The following DACH2 variants were observed in gnomAD, a reference collection of about 807,000 sequenced individuals.
DACH2 encodes the protein dachshund family transcription factor 2, also known as dachshund homolog 2.
DACH2 carries 17 observed loss-of-function variants against 35.8 expected under a neutral mutation model. The observed-to-expected ratio is 0.48, with a 90% CI of 0.33 to 0.71. The LOEUF (loss-of-function observed/expected upper bound fraction) is 0.71. Ranked by LOEUF, DACH2 falls within the 30% of genes least tolerant of loss-of-function variation. DACH2 has a pLI of 0.02. For missense variants in DACH2, 469 were observed against 472.7 expected (o/e 0.99, Z 0.07); for synonymous variants, 195 against 177.3 (o/e 1.10, Z -0.79).
At chrX:86,305,983 T>C (rs2034679044) in intron 1 of DACH2, among the ~76,000 whole-genome samples, 1 of 112,157 alleles carries the variant, frequency 8.9e-6, no homozygotes, top group South Asian at 3.7e-4. Flanking sequence ...AGAGAACTTT[T>C]ATACACTGTT....
At chrX:86,486,138 C>T (rs1308626177) in intron 2 of DACH2, among the ~76,000 whole-genome samples, 4 of 110,938 alleles carry the variant, frequency 3.6e-5, no homozygotes, top group African/African-American at 9.8e-5. Context: ...GGACTGTTTC[C>T]CTGCTGACTG....
At chrX:86,176,298 A>T (rs1485279592) in intron 1 of DACH2, among the ~76,000 whole-genome samples, 1 of 111,381 alleles carries the variant, frequency 9.0e-6, no homozygotes, top group Admixed American at 9.6e-5. Context: ...GGAATGAATA[A>T]AAGAGATATT....
chrX:86,679,228 A>G (rs2040852430), intron 4 of DACH2, among the ~76,000 whole-genome samples: 1 of 112,119 alleles, frequency 8.9e-6, no homozygotes, highest in Non-Finnish European at 1.9e-5. Flanking sequence ...GCTTGCTTTT[A>G]AGGCCTTTTG....
At chrX:86,477,640 C>T (rs913283082) in intron 2 of DACH2, among the ~76,000 whole-genome samples, 1 of 109,896 alleles carries the variant, frequency 9.1e-6, no homozygotes, top group African/African-American at 3.3e-5. Context: ...CTTTTGATTG[C>T]AGTTTATTTT....
chrX:86,161,508 A>C (rs921764301), intron 1 of DACH2: 2 of 345,076 alleles, frequency 5.8e-6, no homozygotes, highest in African/African-American at 5.1e-5. Flanking sequence ...CACCAGAGGA[A>C]TTATAGCTTT....
intron 4 of DACH2, among the ~76,000 whole-genome samples, chrX:86,685,966 T>C (rs1330702512): frequency 3.6e-5 from 4 of 111,337 alleles, no homozygotes; most frequent in African/African-American, 1.3e-4. Flanking sequence ...CATGATTATT[T>C]ACTGCGAAGT....
At chrX:86,703,707 C>A (rs1022861492) in intron 5 of DACH2, among the ~76,000 whole-genome samples, 2 of 111,183 alleles carry the variant, frequency 1.8e-5, no homozygotes, top group Non-Finnish European at 3.8e-5. Context: ...AGGAATACAT[C>A]TAAACAATGA....
At chrX:86,629,148 G>T (rs1022078314) in intron 3 of DACH2, among the ~76,000 whole-genome samples, 16 of 111,428 alleles carry the variant, frequency 1.4e-4, no homozygotes, top group African/African-American at 4.9e-4. Context: ...GTTTTCTTGC[G>T]TTCCCAGCAT....
intron 7 of DACH2, among the ~76,000 whole-genome samples, chrX:86,755,630 C>T (rs1381671742): frequency 1.1e-5 from 1 of 94,147 alleles, no homozygotes; most frequent in Non-Finnish European, 2.1e-5. Flanking sequence ...CAGAGTCTCA[C>T]TCTGTCGCCC....
chrX:86,159,005 T>C (rs2030654233), intron 1 of DACH2, among the ~76,000 whole-genome samples: 1 of 111,763 alleles, frequency 8.9e-6, no homozygotes, highest in African/African-American at 3.2e-5. Flanking sequence ...CCATAGTTAA[T>C]TGACCTTAGT....
At chrX:86,425,853 G>A (rs910566510) in intron 2 of DACH2, among the ~76,000 whole-genome samples, 2 of 110,396 alleles carry the variant, frequency 1.8e-5, no homozygotes, top group Non-Finnish European at 3.8e-5. Context: ...ACAGCTCCCC[G>A]GGCAACATCA....
intron 1 of DACH2, among the ~76,000 whole-genome samples, chrX:86,324,906 G>A (rs1218893528): frequency 3.6e-5 from 4 of 110,017 alleles, no homozygotes; most frequent in Non-Finnish European, 7.6e-5. Flanking sequence ...TCAACATATA[G>A]GACCAGCTGG....
At chrX:86,415,182 T>C (rs2036682457) in intron 2 of DACH2, among the ~76,000 whole-genome samples, 1 of 112,151 alleles carries the variant, frequency 8.9e-6, no homozygotes, top group East Asian at 2.8e-4. Flanking sequence ...TAGACCAGAA[T>C]TGATGAAAAA....
At chrX:86,446,425 C>G (rs2037280081) in intron 2 of DACH2, among the ~76,000 whole-genome samples, 1 of 65,524 alleles carries the variant, frequency 1.5e-5, no homozygotes, top group Non-Finnish European at 2.8e-5. Context: ...GGTATATCTC[C>G]CAATGCTATC....
chrX:86,398,827 G>T (rs1315234001), intron 2 of DACH2, among the ~76,000 whole-genome samples: 2 of 111,489 alleles, frequency 1.8e-5, no homozygotes, highest in Non-Finnish European at 3.8e-5. Flanking sequence ...GTCAATTTTG[G>T]AATAGGTGTG....
intron 4 of DACH2, among the ~76,000 whole-genome samples, chrX:86,656,844 C>CGTGT (rs2040545639): frequency 1.5e-5 from 1 of 65,497 alleles, no homozygotes; most frequent in African/African-American, 7.1e-5. Flanking sequence ...TATTAAAATA[C>CGTGT]ATGTGTGTGT....
At chrX:86,314,980 C>T (rs2034870516) in intron 1 of DACH2, among the ~76,000 whole-genome samples, 1 of 112,296 alleles carries the variant, frequency 8.9e-6, no homozygotes, top group Admixed American at 9.4e-5. Context: ...TGTTTGGTTA[C>T]ATTAAACAAC....
intron 2 of DACH2, among the ~76,000 whole-genome samples, chrX:86,472,153 C>G (rs1041952306): frequency 8.9e-6 from 1 of 111,981 alleles, no homozygotes; most frequent in African/African-American, 3.2e-5. Flanking sequence ...CTGAGTGGCA[C>G]TTTCCTGCTT....
intron 3 of DACH2, among the ~76,000 whole-genome samples, chrX:86,549,578 AAT>A (rs1229225910): frequency 9.1e-6 from 1 of 110,238 alleles, no homozygotes; most frequent in Non-Finnish European, 1.9e-5. Flanking sequence ...TATTTTTTTA[AAT>A]TAAATTTTTA....
Sources: gnomAD v4.1 joint callset for allele counts (sites outside exome capture counted in the v4.1 genomes callset) on GRCh38, gnomAD v4.1.1 for gene constraint, MANE v1.5 for transcripts, NCBI Gene and HGNC (gene_info 2026-07-23, HGNC 2026-07-21) for gene names.